Variants in CDH26 observed in about 807,000 individuals in gnomAD.
CDH26 encodes cadherin-like protein 26.
In CDH26, 83 loss-of-function variants were observed where a neutral mutation model predicts 90.3. The ratio of observed to expected loss-of-function variants is 0.92; its 90% CI spans 0.77 to 1.10. The LOEUF (loss-of-function observed/expected upper bound fraction) is 1.10, where lower values mean the gene tolerates loss of function less well. CDH26 is among the 50% of genes least tolerant of loss of function. The pLI is 0.00. For synonymous variants in CDH26, 397 were observed against 396.3 expected (o/e 1.00, Z -0.02); for missense variants, 1,013 against 1,037.6 (o/e 0.98, Z 0.33).
At chr20:60,004,990 T>G (rs1448824552) in intron 16 of CDH26, among the ~76,000 whole-genome samples, 2 of 151,818 alleles carry the variant, frequency 1.3e-5, no homozygotes, top group African/African-American at 4.8e-5. Flanking sequence ...CACTTATATG[T>G]GGGTTTTCTT....
chr20:59,991,189 C>T (rs563816157), intron 9 of CDH26, among the ~76,000 whole-genome samples: 217 of 152,242 alleles, frequency 1.4e-3, no homozygotes, highest in Middle Eastern at 0.014. Context: ...GCTGGGGATC[C>T]CTTTAGGCAC....
intron 1 of CDH26, 51 bp from the exon 2 acceptor site, chr20:59,968,916 T>A (rs1162258497): frequency 1.0e-6 from 1 of 995,472 alleles, no homozygotes; most frequent in East Asian, 2.6e-5. Context: ...GGTTTCCATG[T>A]GATTCTGGTA....
intron 9 of CDH26, among the ~76,000 whole-genome samples, chr20:59,990,124 G>A (rs2061510640): frequency 6.6e-6 from 1 of 152,144 alleles, no homozygotes; most frequent in Admixed American, 6.5e-5. Flanking sequence ...TTTGTCTTTA[G>A]GTGACTGGCT....
intron 3 of CDH26, among the ~76,000 whole-genome samples, chr20:59,971,299 G>C (rs1158025506): frequency 1.3e-5 from 2 of 152,134 alleles, no homozygotes; most frequent in African/African-American, 4.8e-5. Context: ...TATTCCTACT[G>C]CACCACCTCC....
intron 15 of CDH26, 103 bp downstream of exon 15, chr20:60,001,514 G>GA: frequency 6.7e-7 from 1 of 1,495,258 alleles, no homozygotes; most frequent in Non-Finnish European, 8.9e-7. Flanking sequence ...GATACTGTCA[G>GA]AAAAAGGCAC....
chr20:59,966,200 GGTT>G (rs1048873161), intron 1 of CDH26, among the ~76,000 whole-genome samples: 1 of 132,826 alleles, frequency 7.5e-6, no homozygotes, highest in Admixed American at 8.0e-5. Context: ...ACAGTTTCTT[GGTT>G]GTTCTTTCAA....
At chr20:60,018,070 T>C (rs564015046), downstream of CDH26, among the ~76,000 whole-genome samples, 22 of 152,186 alleles carry the variant, frequency 1.4e-4, no homozygotes, top group African/African-American at 5.1e-4. Context: ...ATGAAAAAAA[T>C]GTGTATTCCG....
At position 59,985,963 on chromosome 20, in the gene CDH26, A is replaced by C. The variant is rs558203616; in HGVS notation, c.837+834A>C. 3 of 152,394 alleles carry C rather than the reference A, an allele frequency of 2.0e-5. No homozygotes were observed. In the South Asian group the frequency reaches 6.2e-4, roughly 32 times the overall value. 9.4% of individuals were successfully genotyped at this position (152,394 alleles called of 1,614,324 possible). A position where few individuals can be genotyped will look rare whatever the true frequency, so the allele number is the denominator to read the frequency against. On this transcript the variant is annotated intron_variant, in intron 7 of 17. Transcript: ENST00000348616. ...CTCAGCCCAACTGACACTGGGCCAG[A>C]TGATTATTTGGAGTGGGGGCTACTC...
intron 1 of CDH26, among the ~76,000 whole-genome samples, chr20:59,963,222 C>G (rs1393372074): frequency 1.3e-5 from 2 of 150,606 alleles, no homozygotes; most frequent in Non-Finnish European, 2.9e-5. Context: ...ACCTGCCCGA[C>G]ATCACATAGC....
At chr20:59,969,764 C>T (rs1270231223) in intron 2 of CDH26, among the ~76,000 whole-genome samples, 2 of 152,276 alleles carry the variant, frequency 1.3e-5, no homozygotes, top group East Asian at 1.9e-4. Context: ...TCTCAACAAC[C>T]GTTTGCATGT....
intron 3 of CDH26, among the ~76,000 whole-genome samples, chr20:59,970,703 G>C (rs937041676): frequency 4.0e-5 from 6 of 151,528 alleles, no homozygotes; most frequent in African/African-American, 1.5e-4. Flanking sequence ...CCAGCTGCTC[G>C]GGAGGCTGAG....
chr20:59,988,426 TG>T (rs2061484648), intron 8 of CDH26, among the ~76,000 whole-genome samples: 1 of 152,212 alleles, frequency 6.6e-6, no homozygotes, highest in African/African-American at 2.4e-5. Flanking sequence ...GCTGATGGCC[TG>T]CGGACCGTGC....
At chr20:59,990,486 G>A (rs1279936724) in intron 9 of CDH26, among the ~76,000 whole-genome samples, 1 of 152,194 alleles carries the variant, frequency 6.6e-6, no homozygotes, top group African/African-American at 2.4e-5. Flanking sequence ...CCACACTTCA[G>A]TGTGAGATTC....
intron 7 of CDH26, among the ~76,000 whole-genome samples, chr20:60,024,011 C>T (rs1282997669): frequency 6.6e-6 from 1 of 150,480 alleles, no homozygotes; most frequent in Non-Finnish European, 1.5e-5. Context: ...GCATGGAGGC[C>T]CATAAGGAAA....
chr20:59,990,172 G>A (rs956619013), intron 9 of CDH26, among the ~76,000 whole-genome samples: 11 of 152,294 alleles, frequency 7.2e-5, no homozygotes, highest in South Asian at 4.1e-4. Flanking sequence ...GTTCATGCAC[G>A]TTTAGCATGT....
At chr20:59,987,790 G>C (rs1474793000) in intron 8 of CDH26, 152 bp downstream of exon 8, 13 of 563,204 alleles carry the variant, frequency 2.3e-5, no homozygotes, top group South Asian at 6.7e-5. Context: ...AGGAAGGCAG[G>C]GTCTCAGTGC....
chr20:59,961,592 CT>C (rs1238315307), intron 1 of CDH26, among the ~76,000 whole-genome samples: 1 of 152,148 alleles, frequency 6.6e-6, no homozygotes, highest in Non-Finnish European at 1.5e-5. Context: ...CTACTTCCCC[CT>C]GTTCAGATCT....
At chr20:60,008,810 C>T (rs1007978633) in intron 17 of CDH26, among the ~76,000 whole-genome samples, 6 of 152,244 alleles carry the variant, frequency 3.9e-5, no homozygotes. Flanking sequence ...CACTCCCACT[C>T]CTTAGCCCTG....
At chr20:60,029,952 A>C (rs1194708992) in intron 7 of CDH26, among the ~76,000 whole-genome samples, 1 of 152,156 alleles carries the variant, frequency 6.6e-6, no homozygotes, top group African/African-American at 2.4e-5. Flanking sequence ...TAAATAAATA[A>C]TATATAAAAG....
Sources: gnomAD v4.1 joint callset for allele counts (sites outside exome capture counted in the v4.1 genomes callset) on GRCh38, gnomAD v4.1.1 for gene constraint, MANE v1.5 for transcripts, NCBI Gene and HGNC (gene_info 2026-07-23, HGNC 2026-07-21) for gene names.